The following GRHL2 variants were observed in gnomAD, a reference collection of about 807,000 sequenced individuals.
GRHL2 encodes grainyhead like transcription factor 2, also known as grainyhead-like protein 2 homolog.
Under a neutral mutation model 83.8 loss-of-function variants are expected in GRHL2, and 21 were observed. That is an observed-to-expected ratio of 0.25 (90% CI 0.18 to 0.36). The LOEUF (loss-of-function observed/expected upper bound fraction) is 0.36, where lower values mean the gene tolerates loss of function less well. Among genes scored for constraint, GRHL2 ranks in the 10% least tolerant of loss-of-function variants. The pLI, the probability that GRHL2 is intolerant of heterozygous loss-of-function variation, is 1.00. For synonymous variants in GRHL2, 280 were observed against 278.9 expected (o/e 1.00, Z -0.04); for missense variants, 623 against 781.8 (o/e 0.80, Z 2.42).
intron 12 of GRHL2, among the ~76,000 whole-genome samples, chr8:101,641,235 A>G (rs1342327465): frequency 6.6e-6 from 1 of 152,146 alleles, no homozygotes; most frequent in East Asian, 1.9e-4. Context: ...TTCATTGAAA[A>G]TAAATGGATT....
At chr8:101,617,866 T>C (rs1220578839) in intron 8 of GRHL2, among the ~76,000 whole-genome samples, 1 of 152,134 alleles carries the variant, frequency 6.6e-6, no homozygotes, top group Non-Finnish European at 1.5e-5. Context: ...CTGCTCTCCA[T>C]AGTGTCGCTG....
At chr8:101,512,875 C>T (rs562757042) in intron 1 of GRHL2, among the ~76,000 whole-genome samples, 1 of 152,236 alleles carries the variant, frequency 6.6e-6, no homozygotes, top group East Asian at 1.9e-4. Context: ...CTCACCGTTT[C>T]GTAGGCTAAA....
chr8:101,558,656 T>C lies in GRHL2; in HGVS notation c.522T>C (p.Tyr174=). The change falls in exon 4 of 16, where the codon TAT becomes TAC. Residue 174 remains tyrosine (Y), a synonymous_variant. Transcript: ENST00000646743. ...TTTTCATGGCCCCACCTGTGCACTA[T>C]CCCCGGGGAGATGGGGAAGAGCAAC... The part of the protein sequence containing the change: ...TPVFMAPPVH[Y]PRGDGEEQRV... 1.2e-6 allele frequency: 2 copies of C among 1,614,004 alleles called. No homozygotes were observed. The highest frequency in any genetic ancestry group is 4.5e-5 in the East Asian group (2 of 44,870).
intron 1 of GRHL2, among the ~76,000 whole-genome samples, chr8:101,507,770 CTTTTTTTTTTTT>C (rs11295472): frequency 6.0e-5 from 4 of 66,308 alleles, no homozygotes; most frequent in African/African-American, 1.3e-4. Flanking sequence ...ATGATTATCC[CTTTTTTTTTTTT>C]TTTTTTTTTT....
intron 7 of GRHL2, among the ~76,000 whole-genome samples, chr8:101,582,731 A>G (rs1812082237): frequency 6.6e-6 from 1 of 152,224 alleles, no homozygotes; most frequent in Non-Finnish European, 1.5e-5. Context: ...GCGTCTTTGC[A>G]GAGGAACGTC....
intron 11 of GRHL2, among the ~76,000 whole-genome samples, chr8:101,632,906 G>C (rs1813215657): frequency 1.3e-5 from 2 of 152,298 alleles, no homozygotes; most frequent in South Asian, 4.1e-4. Flanking sequence ...ATATCTACAA[G>C]TGAAACGAAA....
Position 101,640,363 on chromosome 8 carries a change from G to GA in GRHL2, c.1517+3442dup, listed in dbSNP as rs201885099. Among the ~76,000 whole-genome samples, 655 of 151,728 alleles carry GA rather than the reference G, an allele frequency of 4.3e-3. 5 individuals are homozygous for GA. Among genetic ancestry groups the GA allele is most frequent in the African/African-American group, 0.015 (610 of 41,386 alleles). On this transcript the variant is annotated intron_variant, in intron 12 of 15. Coordinates refer to ENST00000646743, the MANE Select transcript of GRHL2 (RefSeq NM_024915.4). ...TTGTTAAGATTCCTATTCAGACCAT[G>GA]AAAAAAATGATACTTAATTGAGAAA...
At chr8:101,636,391 G>A (rs1481467322) in intron 11 of GRHL2, among the ~76,000 whole-genome samples, 1 of 152,130 alleles carries the variant, frequency 6.6e-6, no homozygotes, top group African/African-American at 2.4e-5. Context: ...CCTTTGGGGA[G>A]TAAGTAGACA....
At chr8:101,679,543 G>A in the GRHL2 span, among the ~76,000 whole-genome samples, 1 of 149,672 alleles carries the variant, frequency 6.7e-6, no homozygotes, top group Non-Finnish European at 1.5e-5. Context: ...TAGCAAGGCA[G>A]GCCAACGTTC....
chr8:101,568,234 G>T (rs995026505), intron 4 of GRHL2, among the ~76,000 whole-genome samples: 1 of 152,246 alleles, frequency 6.6e-6, no homozygotes, highest in Non-Finnish European at 1.5e-5. Flanking sequence ...CATGGAGCTA[G>T]GGGCTATCAT....
intron 1 of GRHL2, among the ~76,000 whole-genome samples, chr8:101,523,245 A>ATT (rs572488332): frequency 2.8e-5 from 4 of 145,034 alleles, no homozygotes; most frequent in East Asian, 2.0e-4. Context: ...ATGAAAGGGG[A>ATT]TTTTTTTTTT....
chr8:101,661,862 T>C (rs1813930160), intron 14 of GRHL2, among the ~76,000 whole-genome samples: 1 of 152,240 alleles, frequency 6.6e-6, no homozygotes, highest in Admixed American at 6.5e-5. Context: ...ATGAGAAGAC[T>C]GAAGCCAGGC....
At chr8:101,513,229 C>T (rs769590624) in intron 1 of GRHL2, among the ~76,000 whole-genome samples, 1 of 151,958 alleles carries the variant, frequency 6.6e-6, no homozygotes, top group Non-Finnish European at 1.5e-5. Context: ...GATTTTATGT[C>T]TGTATTCATC....
chr8:101,673,177 G>A (rs373259203), downstream of GRHL2, among the ~76,000 whole-genome samples: 1,069 of 151,152 alleles, frequency 7.1e-3, 14 homozygotes, highest in African/African-American at 0.024. Flanking sequence ...AACATCATAA[G>A]GACAGGATCA....
chr8:101,619,395 T>G, intron 8 of GRHL2, 144 bp from the exon 9 acceptor site: 1 of 693,086 alleles, frequency 1.4e-6, no homozygotes, highest in South Asian at 1.6e-5. Flanking sequence ...GCTCAGCATG[T>G]TTTTATGTGA....
intron 8 of GRHL2, among the ~76,000 whole-genome samples, chr8:101,615,632 A>C (rs935768685): frequency 1.3e-5 from 2 of 152,204 alleles, no homozygotes; most frequent in Non-Finnish European, 2.9e-5. Context: ...GCTGACATAC[A>C]ACTGCATTTT....
intron 2 of GRHL2, chr8:101,543,680 G>T: frequency 1.9e-6 from 1 of 520,266 alleles, no homozygotes; most frequent in Non-Finnish European, 3.5e-6. Context: ...TTGTTCACAT[G>T]CATAAATATT....
At chr8:101,503,434 CAG>C (rs1328142880) in intron 1 of GRHL2, among the ~76,000 whole-genome samples, 1 of 152,150 alleles carries the variant, frequency 6.6e-6, no homozygotes, top group Admixed American at 6.5e-5. Flanking sequence ...GATGATATAA[CAG>C]AGATATTCTA....
chr8:101,624,185 A>C (rs1477353037), intron 9 of GRHL2, among the ~76,000 whole-genome samples: 1 of 151,760 alleles, frequency 6.6e-6, no homozygotes, highest in African/African-American at 2.4e-5. Context: ...AGTACACAGT[A>C]CACAGTAGGA....
Sources: allele counts gnomAD v4.1 joint callset (sites outside exome capture counted in the v4.1 genomes callset), GRCh38; gene constraint gnomAD v4.1.1; transcripts MANE v1.5; gene names NCBI Gene and HGNC (gene_info 2026-07-23, HGNC 2026-07-21).